The following FRMD4A variants were observed in gnomAD, a reference collection of about 807,000 sequenced individuals.
The protein encoded by FRMD4A is FERM domain containing 4A, also known as FERM domain-containing protein 4A.
In FRMD4A, 29 loss-of-function variants were observed where a neutral mutation model predicts 129.1. The observed-to-expected ratio is 0.22, with a 90% CI of 0.17 to 0.31. The LOEUF is 0.31. Ranked by LOEUF, FRMD4A falls within the 10% of genes least tolerant of loss-of-function variation. The probability of loss-of-function intolerance (pLI) is 1.00; values close to 1 mark genes in which losing one functional copy is unlikely to be tolerated. For missense variants in FRMD4A, 1,272 were observed against 1,375.8 expected (o/e 0.92, Z 1.19); for synonymous variants, 634 against 571.6 (o/e 1.11, Z -1.56).
chr10:13,799,447 T>C (rs1588788735), intron 4 of FRMD4A, among the ~76,000 whole-genome samples: 1 of 152,238 alleles, frequency 6.6e-6, no homozygotes, highest in South Asian at 2.1e-4. Flanking sequence ...GGTGAATGAC[T>C]GTGCCCAGCA....
chr10:13,977,865 A>T (rs4750443), intron 2 of FRMD4A, among the ~76,000 whole-genome samples: 53,141 of 152,154 alleles, frequency 0.35, 9,696 homozygotes, highest in East Asian at 0.6. Context: ...ATTATGTGGA[A>T]AGACCATGTT....
intron 2 of FRMD4A, among the ~76,000 whole-genome samples, chr10:14,201,275 C>G (rs1487152683): frequency 6.6e-6 from 1 of 152,204 alleles, no homozygotes; most frequent in African/African-American, 2.4e-5. Context: ...TCTTTGATTC[C>G]CTGCTGCCCT....
chr10:13,804,324 ATTTTG>A (rs1488207947), intron 4 of FRMD4A, among the ~76,000 whole-genome samples: 3 of 152,042 alleles, frequency 2.0e-5, no homozygotes, highest in Non-Finnish European at 2.9e-5. Flanking sequence ...TTGCTTTTCT[ATTTTG>A]TTTATTTTTA....
intron 24 of FRMD4A, chr10:13,647,507 C>T (rs1027243797): frequency 6.6e-6 from 1 of 150,664 alleles, no homozygotes; most frequent in African/African-American, 2.5e-5. Context: ...TCCGTGAGAC[C>T]CCAGGGCTAA....
intron 2 of FRMD4A, among the ~76,000 whole-genome samples, chr10:14,275,137 C>T (rs1335701365): frequency 6.6e-6 from 1 of 152,178 alleles, no homozygotes; most frequent in Non-Finnish European, 1.5e-5. Context: ...CCTGAATTCT[C>T]CTGGGTGTCA....
intron 2 of FRMD4A, among the ~76,000 whole-genome samples, chr10:13,965,067 T>C (rs1045157697): frequency 1.0e-4 from 15 of 143,458 alleles, no homozygotes; most frequent in African/African-American, 3.6e-4. Flanking sequence ...CACTGGGCAT[T>C]TTTTTTTTTT....
chr10:14,060,769 G>A (rs1487230349), intron 2 of FRMD4A, among the ~76,000 whole-genome samples: 1 of 152,136 alleles, frequency 6.6e-6, no homozygotes, highest in Non-Finnish European at 1.5e-5. Flanking sequence ...CATGTTTTCT[G>A]GGACAAATGG....
At chr10:13,989,430 A>G (rs1041667131) in intron 2 of FRMD4A, among the ~76,000 whole-genome samples, 2 of 151,970 alleles carry the variant, frequency 1.3e-5, no homozygotes, top group African/African-American at 4.8e-5. Context: ...ATCTTGGCTC[A>G]CTGCAACTTC....
chr10:13,869,066 GCTGCTCATGC>G lies in FRMD4A; in HGVS notation c.46-10164_46-10155del, dbSNP rs1408554596. 6.6e-5 allele frequency among the ~76,000 whole-genome samples: 10 copies of G among 152,322 alleles called. No individual in the cohort carries two copies. In the South Asian group the frequency reaches 1.7e-3, roughly 25 times the overall value. On this transcript the variant is annotated intron_variant, in intron 2 of 24. Transcript: ENST00000357447. ...AGCTCATCCTAGGGACGCTGCTGCTGCTGCTCATGCAGCAAAAGGAAATTCGGTTTTCTCT... is the reference window on the plus strand; with the variant it reads ...AGCTCATCCTAGGGACGCTGCTGCTGAGCAAAAGGAAATTCGGTTTTCTCT...
rs549913727 is a variant in FRMD4A, at chr10:13,741,112, C to A, written c.549-535G>T. The stretch of plus-strand genomic sequence containing the variant: ...AAAGTACTGGGATTACAGGCGTGAG[C>A]CACCATGGCTGGCTTATCTTGGATT... On this transcript the variant is annotated intron_variant, in intron 9 of 24. Coordinates refer to ENST00000357447, the MANE Select transcript of FRMD4A (RefSeq NM_018027.5). 1.3e-3 allele frequency among the ~76,000 whole-genome samples: 199 copies of A among 152,238 alleles called. 1 individual carries two copies. Among genetic ancestry groups the A allele is most frequent in the South Asian group, 8.3e-3 (40 of 4,820 alleles).
At chr10:14,185,780 G>C (rs1009432900) in intron 2 of FRMD4A, among the ~76,000 whole-genome samples, 2 of 152,044 alleles carry the variant, frequency 1.3e-5, no homozygotes, top group Non-Finnish European at 2.9e-5. Context: ...CAACAGATAC[G>C]TACAATCCAG....
At chr10:13,654,304 A>G (rs2081947553) in intron 23 of FRMD4A, 112 bp downstream of exon 23, 3 of 782,188 alleles carry the variant, frequency 3.8e-6, no homozygotes, top group Non-Finnish European at 6.9e-6. Flanking sequence ...GACACCTCCC[A>G]GTGATGAACC....
chr10:14,136,388 C>A (rs1484338654), intron 2 of FRMD4A, among the ~76,000 whole-genome samples: 1 of 152,148 alleles, frequency 6.6e-6, no homozygotes, highest in Non-Finnish European at 1.5e-5. Context: ...GAATTTCACC[C>A]TTGAAATGTA....
At chr10:14,279,751 C>A (rs545340637) in intron 2 of FRMD4A, among the ~76,000 whole-genome samples, 1 of 152,184 alleles carries the variant, frequency 6.6e-6, no homozygotes, top group Non-Finnish European at 1.5e-5. Flanking sequence ...TGCATGATCT[C>A]ATTTAAGTCT....
At chr10:14,020,406 G>A (rs1390526227) in intron 2 of FRMD4A, among the ~76,000 whole-genome samples, 1 of 152,160 alleles carries the variant, frequency 6.6e-6, no homozygotes, top group East Asian at 1.9e-4. Flanking sequence ...TGAGATAGTG[G>A]GATGACAGCC....
chr10:14,231,434 C>G (rs1372545282), intron 2 of FRMD4A, among the ~76,000 whole-genome samples: 4 of 152,074 alleles, frequency 2.6e-5, no homozygotes, highest in Non-Finnish European at 5.9e-5. Flanking sequence ...GCTCCACCTC[C>G]CGGGTTCACA....
At chr10:13,754,297 A>AG (rs1206685972) in intron 8 of FRMD4A, among the ~76,000 whole-genome samples, 1 of 151,992 alleles carries the variant, frequency 6.6e-6, no homozygotes, top group Non-Finnish European at 1.5e-5. Flanking sequence ...TGCAAAAAAA[A>AG]AACTACCCTA....
chr10:13,689,436 G>A (rs529216580), intron 15 of FRMD4A, among the ~76,000 whole-genome samples: 125 of 151,888 alleles, frequency 8.2e-4, no homozygotes, highest in Non-Finnish European at 1.1e-3. Flanking sequence ...TCATACCAGT[G>A]TGACAAAGGC....
At chr10:13,854,245 C>T (rs184003860) in intron 3 of FRMD4A, among the ~76,000 whole-genome samples, 18 of 152,220 alleles carry the variant, frequency 1.2e-4, no homozygotes, top group Admixed American at 2.6e-4. Flanking sequence ...AATATACATT[C>T]GGGTCAGAGA....
Sources: allele counts gnomAD v4.1 joint callset (sites outside exome capture counted in the v4.1 genomes callset), GRCh38; gene constraint gnomAD v4.1.1; transcripts MANE v1.5; gene names NCBI Gene and HGNC (gene_info 2026-07-23, HGNC 2026-07-21).